Variants in GLIS3 observed in about 807,000 individuals in gnomAD.
GLIS3 encodes the protein GLIS family zinc finger 3, also known as zinc finger protein GLIS3.
Under a neutral mutation model 78.6 loss-of-function variants are expected in GLIS3, and 53 were observed. The ratio of observed to expected loss-of-function variants is 0.67; its 90% CI spans 0.54 to 0.85. The LOEUF is 0.85. Among genes scored for constraint, GLIS3 ranks in the 40% least tolerant of loss-of-function variants. The pLI, the probability that GLIS3 is intolerant of heterozygous loss-of-function variation, is 0.00. For synonymous variants in GLIS3, 684 were observed against 509.9 expected, an observed-to-expected ratio of 1.34 and a Z score of -4.60; for missense variants, 1,703 against 1,231.1, an observed-to-expected ratio of 1.38 and a Z score of -5.74.
chr9:4,445,385 G>T, the GLIS3 span, among the ~76,000 whole-genome samples: 1 of 152,152 alleles, frequency 6.6e-6, no homozygotes, highest in Non-Finnish European at 1.5e-5. Context: ...CCAGCATTTG[G>T]GGAGGCTGAG....
chr9:4,070,806 T>G (rs1186310307), intron 4 of GLIS3: 1 of 152,188 alleles, frequency 6.6e-6, no homozygotes, highest in Non-Finnish European at 1.5e-5. Context: ...AAGTCTCCAA[T>G]TATTTACAAG....
chr9:4,282,069 A>G (rs915777767), intron 2 of GLIS3, among the ~76,000 whole-genome samples: 15 of 152,164 alleles, frequency 9.9e-5, no homozygotes, highest in Non-Finnish European at 1.8e-4. Flanking sequence ...CCTTCCATCA[A>G]AGATTCTTCA....
intron 6 of GLIS3, among the ~76,000 whole-genome samples, chr9:3,899,639 G>C (rs1823136598): frequency 6.6e-6 from 1 of 152,104 alleles, no homozygotes; most frequent in Admixed American, 6.5e-5. Context: ...ATTGCAAATG[G>C]TAATCATCTT....
intron 2 of GLIS3, among the ~76,000 whole-genome samples, chr9:4,345,027 T>G (rs1477046954): frequency 6.6e-6 from 1 of 152,226 alleles, no homozygotes; most frequent in Non-Finnish European, 1.5e-5. Context: ...ATGTCCCTCT[T>G]CAGTCTATTG....
intron 4 of GLIS3, among the ~76,000 whole-genome samples, chr9:4,040,759 T>C (rs1824739664): frequency 1.3e-5 from 2 of 152,056 alleles, no homozygotes; most frequent in Non-Finnish European, 2.9e-5. Context: ...TGGAATGAGG[T>C]GTTCAGTAGA....
At chr9:4,116,845 A>G (rs1022982259) in intron 4 of GLIS3, among the ~76,000 whole-genome samples, 8 of 152,212 alleles carry the variant, frequency 5.3e-5, no homozygotes, top group African/African-American at 1.7e-4. Context: ...AACTAATATA[A>G]AACACATGTT....
At chr9:4,266,076 G>C (rs533780368) in intron 2 of GLIS3, among the ~76,000 whole-genome samples, 165 of 151,984 alleles carry the variant, frequency 1.1e-3, no homozygotes, top group Non-Finnish European at 1.9e-3. Context: ...CCGCCACCAT[G>C]CCCGGCTAAT....
chr9:4,415,370 G>A, the GLIS3 span, among the ~76,000 whole-genome samples: 13 of 152,260 alleles, frequency 8.5e-5, no homozygotes, highest in Non-Finnish European at 1.2e-4. Context: ...TCATTACCAC[G>A]CATTTGACAT....
intron 8 of GLIS3, among the ~76,000 whole-genome samples, chr9:3,862,291 C>T (rs1237738156): frequency 6.6e-6 from 1 of 152,112 alleles, no homozygotes; most frequent in Non-Finnish European, 1.5e-5. Context: ...CTGAAATGTT[C>T]ATCTTTATCA....
At chr9:4,113,096 T>C (rs1392782639) in intron 4 of GLIS3, among the ~76,000 whole-genome samples, 2 of 152,098 alleles carry the variant, frequency 1.3e-5, no homozygotes, top group Admixed American at 6.5e-5. Context: ...ATTAATACTA[T>C]ATATACCCTT....
chr9:4,174,784 G>A (rs1301459454), intron 2 of GLIS3, among the ~76,000 whole-genome samples: 1 of 152,164 alleles, frequency 6.6e-6, no homozygotes, highest in African/African-American at 2.4e-5. Flanking sequence ...TATTCCAGGA[G>A]GCAGTACACG....
At position 3,829,330 on chromosome 9, in the gene GLIS3, G is replaced by C. The variant is rs200265407; in HGVS notation, c.2636C>G (p.Ser879Trp). 2 of 1,613,852 alleles carry C rather than the reference G, an allele frequency of 1.2e-6. No homozygotes were observed. Residue 879 changes from serine to tryptophan, a missense_variant, in exon 10 of 11, where the codon TCG (serine) becomes TGG (tryptophan). Physicochemically the swap from Ser to Trp is radical, Grantham distance 177. Transcript: ENST00000381971. The stretch of plus-strand genomic sequence containing the variant: ...CACACCTGTAATGCCCGAGTGAGTC[G>C]AGAAGGCTCTGTGGAAAACATCAAA... The part of the protein sequence containing the change: ...ASFDVFHRAF[S>W]THSGITVYDL...
chr9:4,094,446 A>T (rs1182373307), intron 4 of GLIS3, among the ~76,000 whole-genome samples: 1 of 152,298 alleles, frequency 6.6e-6, no homozygotes, highest in South Asian at 2.1e-4. Flanking sequence ...ATTTTTAGAG[A>T]CAGGTTACGT....
chr9:3,827,607 A>ATT lies in GLIS3; in HGVS notation c.*663_*664dup, dbSNP rs5896025. ...TTCCATCCAAAGCACAGACCTTTAC[A>ATT]TTTTTTTTTCATTTTAAAATACGTA... On this transcript the variant is annotated 3_prime_UTR_variant, in exon 11 of 11. Transcript: ENST00000381971. 4,421 of 153,010 alleles carry ATT rather than the reference A, an allele frequency of 0.029. 108 individuals are homozygous for ATT. The highest frequency in any genetic ancestry group is 0.065 in the African/African-American group (2,668 of 41,254). 9.5% of individuals were successfully genotyped at this position (153,010 alleles called of 1,614,324 possible). A position where few individuals can be genotyped will look rare whatever the true frequency, so the allele number is the denominator to read the frequency against.
intron 4 of GLIS3, among the ~76,000 whole-genome samples, chr9:4,030,259 C>A (rs1823717792): frequency 6.6e-6 from 1 of 152,144 alleles, no homozygotes; most frequent in African/African-American, 2.4e-5. Flanking sequence ...TGAGAACTGT[C>A]TATTCAAATA....
At chr9:4,238,400 T>C (rs1345956036) in intron 2 of GLIS3, among the ~76,000 whole-genome samples, 2 of 152,190 alleles carry the variant, frequency 1.3e-5, no homozygotes, top group African/African-American at 4.8e-5. Flanking sequence ...TGAGAGAGTC[T>C]ACCCACATGA....
the GLIS3 span, among the ~76,000 whole-genome samples, chr9:4,453,352 A>AG: frequency 2.2e-5 from 3 of 135,422 alleles, no homozygotes; most frequent in African/African-American, 7.3e-5. Context: ...CAGCAAAAAA[A>AG]AAAAAAAAAA....
intron 4 of GLIS3, among the ~76,000 whole-genome samples, chr9:4,107,882 C>A (rs955246590): frequency 2.0e-5 from 3 of 152,046 alleles, no homozygotes; most frequent in Non-Finnish European, 4.4e-5. Context: ...TGGGAAATTT[C>A]AAATCTTCAC....
At chr9:3,986,718 G>C (rs1819767347) in intron 4 of GLIS3, among the ~76,000 whole-genome samples, 2 of 152,222 alleles carry the variant, frequency 1.3e-5, no homozygotes, top group Admixed American at 6.5e-5. Flanking sequence ...GGGACCAGTG[G>C]AAGCCCCAGC....
Sources: gnomAD v4.1 joint callset for allele counts (sites outside exome capture counted in the v4.1 genomes callset) on GRCh38, gnomAD v4.1.1 for gene constraint, MANE v1.5 for transcripts, NCBI Gene and HGNC (gene_info 2026-07-23, HGNC 2026-07-21) for gene names.